The following CAMSAP2 variants were observed in gnomAD, a reference collection of about 807,000 sequenced individuals.
CAMSAP2 encodes calmodulin regulated spectrin associated protein family member 2, also known as calmodulin-regulated spectrin-associated protein 2.
Under a neutral mutation model 146.1 loss-of-function variants are expected in CAMSAP2, and 26 were observed. That is an observed-to-expected ratio of 0.18 (90% CI 0.13 to 0.25). CAMSAP2 has a LOEUF of 0.25. Ranked by LOEUF, CAMSAP2 falls within the 10% of genes least tolerant of loss-of-function variation. The pLI, the probability that CAMSAP2 is intolerant of heterozygous loss-of-function variation, is 1.00. For synonymous variants in CAMSAP2, 499 were observed against 596.6 expected (o/e 0.84, Z 2.38); for missense variants, 1,381 against 1,759.3 (o/e 0.78, Z 3.85).
Position 200,853,485 on chromosome 1 carries a change from G to T in CAMSAP2, c.3813G>T (p.Lys1271Asn), listed in dbSNP as rs1192565513. ...TTGAATCCCCCAAAACACCAATAAA[G>T]GGTCCTCCAGGTAACATAGCTTATT... Reference protein sequence around the residue: ...DHIESPKTPIKGPPVSSLSLA... With the variant: ...DHIESPKTPINGPPVSSLSLA... The change falls in exon 13 of 17, where the codon AAG becomes AAT. Residue 1271 changes from lysine to asparagine, a missense_variant. Coordinates refer to ENST00000358823, the MANE Select transcript of CAMSAP2 (RefSeq NM_203459.4). The surrounding 1 kb of genome is among the most constrained non-coding windows in gnomAD (Gnocchi z 5.1). 1 of 1,609,662 alleles carries T rather than the reference G, an allele frequency of 6.2e-7. No homozygotes were observed.
At chr1:200,740,311 A>G (rs1232523207) in intron 1 of CAMSAP2, among the ~76,000 whole-genome samples, 1 of 152,040 alleles carries the variant, frequency 6.6e-6, no homozygotes, top group East Asian at 1.9e-4. Context: ...CTCAGTCATA[A>G]TTGTGATTAC....
Position 200,807,368 on chromosome 1 carries a change from A to AT in CAMSAP2, c.400-4dup. ...TTTAAACTATTTGTTCTTGTTTTAT[A>AT]TTTTCAGAGTGCACATTTGGCCATG... On this transcript the variant is annotated splice_polypyrimidine_tract_variant and splice_region_variant and intron_variant, in intron 2 of 16. Transcript: ENST00000358823. The AT allele has an allele frequency of 6.7e-7, 1 of 1,483,894 alleles. No individual in the cohort carries two copies. The highest frequency in any genetic ancestry group is 9.0e-7 in the Non-Finnish European group (1 of 1,111,904). The allele number at this position is 1,483,894 out of a possible 1,614,324, so 91.9% of individuals were successfully genotyped here.
At chr1:200,798,823 T>C (rs1368087512) in intron 2 of CAMSAP2, among the ~76,000 whole-genome samples, 8 of 147,916 alleles carry the variant, frequency 5.4e-5, no homozygotes, top group African/African-American at 1.8e-4. Flanking sequence ...ATAGCTCTTA[T>C]TATTTTGAGA....
At chr1:200,816,123 A>G (rs1666476010) in intron 4 of CAMSAP2, among the ~76,000 whole-genome samples, 2 of 151,916 alleles carry the variant, frequency 1.3e-5, no homozygotes, top group South Asian at 2.1e-4. Flanking sequence ...ATGAAGCCCC[A>G]TCTCTGCTAA....
intron 1 of CAMSAP2, among the ~76,000 whole-genome samples, chr1:200,748,193 T>G (rs1011079789): frequency 2.0e-5 from 3 of 152,202 alleles, no homozygotes; most frequent in Non-Finnish European, 4.4e-5. Context: ...ATCCAGCCCC[T>G]GCTGTCATCA....
rs747172907 is a variant in CAMSAP2, at chr1:200,739,961, G to A, written c.134G>A (p.Gly45Glu). 1.5e-5 allele frequency: 24 copies of A among 1,614,028 alleles called. No homozygotes were observed. Among genetic ancestry groups the A allele is most frequent in the Non-Finnish European group, 2.0e-5 (24 of 1,179,950 alleles). The change falls in exon 1 of 17, where the codon GGG (glycine) becomes GAG (glutamate). Residue 45 changes from glycine to glutamate, a missense_variant. Around this residue, in one of 4 missense-constraint regions of CAMSAP2, gnomAD observed 284 missense variants for 406.9 expected, o/e 0.70. Coordinates refer to ENST00000358823, the MANE Select transcript of CAMSAP2 (RefSeq NM_203459.4). The surrounding 1 kb of genome is among the most constrained non-coding windows in gnomAD (Gnocchi z 4.8). ...NLAWLVAKAF[G>E]TENVPEELQE... Reference sequence around the variant, plus strand: ...GCCTGGCTGGTGGCCAAAGCCTTTGGGACAGGTTAGTGGTGTCACCCTTTC... The same window carrying A: ...GCCTGGCTGGTGGCCAAAGCCTTTGAGACAGGTTAGTGGTGTCACCCTTTC...
intron 9 of CAMSAP2, 27 bp from the exon 10 acceptor site, chr1:200,847,613 A>G (rs377010252): frequency 3.1e-5 from 49 of 1,580,558 alleles, no homozygotes; most frequent in Admixed American, 2.6e-4. Flanking sequence ...CATGATTTCA[A>G]TGGCTTTTTC....
intron 3 of CAMSAP2, among the ~76,000 whole-genome samples, chr1:200,811,312 C>CCAGG (rs1403811787): frequency 6.6e-6 from 1 of 152,132 alleles, no homozygotes; most frequent in Admixed American, 6.6e-5. Context: ...CATGCACAGT[C>CCAGG]CAGGGCTCAG....
chr1:200,845,497 G>A (rs1186460552), intron 8 of CAMSAP2, among the ~76,000 whole-genome samples: 3 of 152,154 alleles, frequency 2.0e-5, no homozygotes, highest in Non-Finnish European at 4.4e-5. Flanking sequence ...ATCATTGTGT[G>A]TAGAGGTGGA....
chr1:200,803,769 C>A (rs1666097626), intron 2 of CAMSAP2, among the ~76,000 whole-genome samples: 1 of 152,046 alleles, frequency 6.6e-6, no homozygotes, highest in African/African-American at 2.4e-5. Flanking sequence ...GAAAATGTAT[C>A]CCAATTTTCG....
chr1:200,821,698 C>T (rs942008868), intron 4 of CAMSAP2, among the ~76,000 whole-genome samples: 11 of 152,154 alleles, frequency 7.2e-5, no homozygotes, highest in African/African-American at 2.4e-4. Flanking sequence ...CATACCTTTT[C>T]TCTTTCATAA....
Position 200,852,615 on chromosome 1 carries a change from G to C in CAMSAP2, c.3540G>C (p.Lys1180Asn), listed in dbSNP as rs753752078. 2 of 1,613,836 alleles carry C rather than the reference G, an allele frequency of 1.2e-6. No individual in the cohort carries two copies. Among genetic ancestry groups the C allele is most frequent in the South Asian group, 1.1e-5 (1 of 91,050 alleles). Residue 1180 changes from lysine (K) to asparagine (N), a missense_variant, in exon 12 of 17, where the codon AAG (lysine) becomes AAC (asparagine). Physicochemically the swap from Lys to Asn is moderately conservative, Grantham distance 94. This residue lies in a region of CAMSAP2 where 560 missense variants were observed against 715.9 expected (regional missense o/e 0.78). Coordinates refer to ENST00000358823, the MANE Select transcript of CAMSAP2 (RefSeq NM_203459.4). ...TGGAGAAAAGATTAAGAAGGGAAAA[G>C]GAAACTCAGCTCCGGAAACAACAGT... ...ALLEKRLRRE[K>N]ETQLRKQQLE...
At position 200,739,837 on chromosome 1, in the gene CAMSAP2, G is replaced by C. The variant is rs759324473; in HGVS notation, c.10G>C (p.Ala4Pro). The C allele has an allele frequency of 6.2e-7, 1 of 1,613,590 alleles. No individual in the cohort carries two copies. Among genetic ancestry groups the C allele is most frequent in the South Asian group, 1.1e-5 (1 of 91,038 alleles). The change falls in exon 1 of 17, where the codon GCT becomes CCT. Residue 4 changes from alanine (A) to proline (P), a missense_variant. Around this residue, in one of 4 missense-constraint regions of CAMSAP2, gnomAD observed 284 missense variants for 406.9 expected, o/e 0.70. Transcript: ENST00000358823. The surrounding 1 kb of genome is among the most constrained non-coding windows in gnomAD (Gnocchi z 4.8). ...GGAGCCGCGGTGAAAGATGGGGGAT[G>C]CTGCAGACCCCAGGGAGATGAGAAA... MGD[A>P]ADPREMRKTF...
At chr1:200,742,633 T>A (rs1387433151) in intron 1 of CAMSAP2, among the ~76,000 whole-genome samples, 1 of 152,198 alleles carries the variant, frequency 6.6e-6, no homozygotes, top group Non-Finnish European at 1.5e-5. Flanking sequence ...TATTTAGTTG[T>A]TCAAAAAATC....
chr1:200,791,154 A>AT (rs1665741852), intron 2 of CAMSAP2, among the ~76,000 whole-genome samples: 1 of 152,054 alleles, frequency 6.6e-6, no homozygotes, highest in Non-Finnish European at 1.5e-5. Context: ...CTTTACCTCC[A>AT]TTTTTGTAGG....
intron 2 of CAMSAP2, among the ~76,000 whole-genome samples, chr1:200,771,476 T>C (rs999955329): frequency 2.0e-5 from 3 of 152,200 alleles, no homozygotes; most frequent in Admixed American, 2.0e-4. Flanking sequence ...CCTTTACTGA[T>C]AACATATTTT....
At chr1:200,844,651 T>A in intron 7 of CAMSAP2, 131 bp from the exon 8 acceptor site, 1 of 477,322 alleles carries the variant, frequency 2.1e-6, no homozygotes, top group Non-Finnish European at 3.7e-6. Flanking sequence ...AGAAGAAAAC[T>A]TTATGCTATG....
intron 2 of CAMSAP2, among the ~76,000 whole-genome samples, chr1:200,794,355 C>T (rs1665827927): frequency 6.6e-6 from 1 of 152,132 alleles, no homozygotes; most frequent in African/African-American, 2.4e-5. Flanking sequence ...TATGACATAA[C>T]CAAATATTCC....
chr1:200,757,218 C>T (rs915292980), intron 1 of CAMSAP2, among the ~76,000 whole-genome samples: 2 of 152,158 alleles, frequency 1.3e-5, no homozygotes, highest in Non-Finnish European at 2.9e-5. Context: ...CTGCTTCCTG[C>T]CCCTTTATTG....
Sources: gnomAD v4.1 joint callset for allele counts (sites outside exome capture counted in the v4.1 genomes callset) on GRCh38, gnomAD v4.1.1 for gene constraint, gnomAD v4.1.1 regional missense constraint, Gnocchi (gnomAD v3.1) non-coding constraint, MANE v1.5 for transcripts, NCBI Gene and HGNC (gene_info 2026-07-23, HGNC 2026-07-21) for gene names.